The following PDE4D variants were observed in gnomAD, a reference collection of about 807,000 sequenced individuals.
PDE4D encodes the protein 3',5'-cyclic-AMP phosphodiesterase 4D.
A neutral mutation model predicts 87.4 loss-of-function variants in PDE4D; 24 were observed. The ratio of observed to expected loss-of-function variants is 0.27; its 90% CI spans 0.20 to 0.39. PDE4D has a LOEUF of 0.39. PDE4D is among the 10% of genes least tolerant of loss of function. PDE4D has a pLI of 1.00. For missense variants in PDE4D, 714 were observed against 1,041.0 expected (o/e 0.69, Z 4.32); for synonymous variants, 384 against 383.2 (o/e 1.00, Z -0.02).
chr5:59,700,731 A>G (rs747039452), intron 1 of PDE4D, among the ~76,000 whole-genome samples: 1 of 152,184 alleles, frequency 6.6e-6, no homozygotes, highest in Non-Finnish European at 1.5e-5. Flanking sequence ...TCAATTACCA[A>G]TATCAACTCA....
chr5:60,452,985 T>C (rs936146193), intron 1 of PDE4D, among the ~76,000 whole-genome samples: 1 of 152,102 alleles, frequency 6.6e-6, no homozygotes, highest in African/African-American at 2.4e-5. Context: ...GAACCTTACA[T>C]CATTGTACAT....
intron 3 of PDE4D, among the ~76,000 whole-genome samples, chr5:59,189,233 T>TC (rs1561663009): frequency 2.1e-4 from 1 of 4,778 alleles, no homozygotes; most frequent in Non-Finnish European, 8.7e-4. Flanking sequence ...TCCTACCCCG[T>TC]TTTTTTTTTT....
At chr5:60,125,976 T>C (rs1357189582) in intron 2 of PDE4D, among the ~76,000 whole-genome samples, 1 of 152,148 alleles carries the variant, frequency 6.6e-6, no homozygotes, top group Non-Finnish European at 1.5e-5. Context: ...ATCCCAAATA[T>C]CCTAGCCTGA....
intron 5 of PDE4D, among the ~76,000 whole-genome samples, chr5:59,137,222 G>A (rs1457859881): frequency 6.6e-6 from 1 of 152,100 alleles, no homozygotes; most frequent in Admixed American, 6.6e-5. Flanking sequence ...AGATTTCTAC[G>A]TTTGCGTTAG....
At chr5:59,155,621 T>C (rs1338486351) in intron 5 of PDE4D, among the ~76,000 whole-genome samples, 1 of 152,134 alleles carries the variant, frequency 6.6e-6, no homozygotes, top group Non-Finnish European at 1.5e-5. Context: ...TGTGTATTGT[T>C]TTTAAGATTG....
At chr5:59,416,343 T>A (rs1430765387) in intron 1 of PDE4D, among the ~76,000 whole-genome samples, 1 of 152,196 alleles carries the variant, frequency 6.6e-6, no homozygotes, top group Non-Finnish European at 1.5e-5. Context: ...GAGAAAATAG[T>A]AACCAGAAAA....
intron 1 of PDE4D, among the ~76,000 whole-genome samples, chr5:59,337,599 T>C (rs1777934736): frequency 6.6e-6 from 1 of 152,188 alleles, no homozygotes; most frequent in Admixed American, 6.5e-5. Flanking sequence ...TGAGCTATTA[T>C]TATTATTTCA....
chr5:59,033,664 C>A (rs994683063), intron 6 of PDE4D, among the ~76,000 whole-genome samples: 2 of 152,096 alleles, frequency 1.3e-5, no homozygotes, highest in Non-Finnish European at 2.9e-5. Context: ...TCCTTTCTCT[C>A]TAGAAAAATA....
At chr5:60,296,502 A>G (rs1753404597) in intron 1 of PDE4D, among the ~76,000 whole-genome samples, 1 of 152,212 alleles carries the variant, frequency 6.6e-6, no homozygotes, top group Non-Finnish European at 1.5e-5. Flanking sequence ...ATACGTATCC[A>G]CACACACTTT....
At chr5:60,425,037 C>T (rs1025742692) in intron 1 of PDE4D, among the ~76,000 whole-genome samples, 2 of 152,016 alleles carry the variant, frequency 1.3e-5, no homozygotes, top group Non-Finnish European at 2.9e-5. Flanking sequence ...TAAAAGAGGA[C>T]ACAAACAAAT....
intron 2 of PDE4D, among the ~76,000 whole-genome samples, chr5:60,009,508 A>C (rs1764807915): frequency 6.6e-6 from 1 of 151,848 alleles, no homozygotes; most frequent in Non-Finnish European, 1.5e-5. Context: ...AGAGAAAATA[A>C]ACAGTATAAA....
intron 1 of PDE4D, among the ~76,000 whole-genome samples, chr5:60,405,128 C>T (rs1741427521): frequency 1.3e-5 from 2 of 152,150 alleles, no homozygotes; most frequent in Admixed American, 6.5e-5. Flanking sequence ...TTGCAAGGGC[C>T]AGGAAAACAG....
chr5:58,976,334 TCAAA>T lies in PDE4D; in HGVS notation c.1830+12_1830+15del, dbSNP rs1580029325. On this transcript the variant is annotated intron_variant, in intron 13 of 14. Transcript: ENST00000340635. ...ACAGACACACACACACAGAGCAAAC[TCAAA>T]CAAGGCTTTACCTGAATCCTATCGG... The T allele has an allele frequency of 6.2e-7, 1 of 1,611,306 alleles. No individual in the cohort carries two copies. The highest frequency in any genetic ancestry group is 8.5e-7 in the Non-Finnish European group (1 of 1,178,846).
At chr5:59,579,963 T>A (rs536814934) in intron 1 of PDE4D, among the ~76,000 whole-genome samples, 1 of 152,352 alleles carries the variant, frequency 6.6e-6, no homozygotes, top group African/African-American at 2.4e-5. Context: ...TGACACAGTC[T>A]AAGTATAGGT....
At chr5:59,971,876 A>G (rs1377867005) in intron 3 of PDE4D, among the ~76,000 whole-genome samples, 1 of 152,194 alleles carries the variant, frequency 6.6e-6, no homozygotes, top group Non-Finnish European at 1.5e-5. Flanking sequence ...TGACATAAGC[A>G]GGAAAAGGAA....
chr5:59,715,374 A>G (rs1292834247), intron 1 of PDE4D, among the ~76,000 whole-genome samples: 2 of 152,198 alleles, frequency 1.3e-5, no homozygotes, highest in Admixed American at 6.5e-5. Flanking sequence ...AGCCTTCACC[A>G]TTTAAGGAAG....
chr5:60,166,568 A>G (rs1447350976), intron 2 of PDE4D, among the ~76,000 whole-genome samples: 1 of 152,194 alleles, frequency 6.6e-6, no homozygotes, highest in Non-Finnish European at 1.5e-5. Flanking sequence ...GATATAAGTG[A>G]TTTAAACACC....
intron 1 of PDE4D, among the ~76,000 whole-genome samples, chr5:60,342,695 GA>G (rs59843129): frequency 0.42 from 62,224 of 149,146 alleles, 15,023 homozygotes; most frequent in African/African-American, 0.68. Context: ...GAAAACCAAT[GA>G]AAAAAAAAAG....
chr5:59,561,211 G>A (rs115519729), intron 1 of PDE4D, among the ~76,000 whole-genome samples: 3,929 of 152,192 alleles, frequency 0.026, 144 homozygotes, highest in African/African-American at 0.08. Context: ...TTTATATGGC[G>A]GCATTGCTTT....
Sources: gnomAD v4.1 joint callset for allele counts (sites outside exome capture counted in the v4.1 genomes callset) on GRCh38, gnomAD v4.1.1 for gene constraint, MANE v1.5 for transcripts, NCBI Gene and HGNC (gene_info 2026-07-23, HGNC 2026-07-21) for gene names.